Variants in TSPAN1 observed in about 807,000 individuals in gnomAD.
TSPAN1 encodes tetraspanin-1.
A neutral mutation model predicts 26.9 loss-of-function variants in TSPAN1; 23 were observed. The observed-to-expected ratio is 0.85, with a 90% CI of 0.62 to 1.21. The LOEUF is 1.21. Ranked by LOEUF, TSPAN1 falls within the 50% of genes most tolerant of loss-of-function variation. The pLI is 0.00. For missense variants in TSPAN1, 283 were observed against 298.4 expected (o/e 0.95, Z 0.38); for synonymous variants, 115 against 114.8 (o/e 1.00, Z -0.01).
chr1:46,190,913 A>C, downstream of TSPAN1: 1 of 856,702 alleles, frequency 1.2e-6, no homozygotes, highest in Admixed American at 1.9e-5. Context: ...CTAATTTCCC[A>C]CCGTCTTCTC....
intron 1 of TSPAN1, among the ~76,000 whole-genome samples, chr1:46,176,066 G>A (rs1267343199): frequency 2.6e-5 from 4 of 152,134 alleles, no homozygotes; most frequent in East Asian, 3.9e-4. Flanking sequence ...TAGTAGAGAT[G>A]GGATTTCACC....
At chr1:46,192,931 C>A in the TSPAN1 span, 1 of 1,614,186 alleles carries the variant, frequency 6.2e-7, no homozygotes, top group Non-Finnish European at 8.5e-7. Flanking sequence ...TCCAGGTCCT[C>A]TTCCAGAACC....
chr1:46,193,740 G>A, the TSPAN1 span: 1 of 1,598,860 alleles, frequency 6.3e-7, no homozygotes, highest in African/African-American at 1.3e-5. Flanking sequence ...TACCCACAGA[G>A]GTGAATGCGT....
At chr1:46,192,876 C>A in the TSPAN1 span, 1 of 1,614,094 alleles carries the variant, frequency 6.2e-7, no homozygotes, top group Non-Finnish European at 8.5e-7. Context: ...GGGACCTCAA[C>A]TGAAACCTAG....
At chr1:46,190,930 C>A, downstream of TSPAN1, 1 of 764,184 alleles carries the variant, frequency 1.3e-6, no homozygotes, top group East Asian at 2.8e-5. Context: ...TCTCCATCCT[C>A]TTTGCAGCAT....
the TSPAN1 span, chr1:46,194,362 C>T: frequency 1.2e-5 from 19 of 1,614,076 alleles, no homozygotes; most frequent in Middle Eastern, 1.6e-4. Flanking sequence ...GCGCCGGCGG[C>T]GACGGTTCAG....
chr1:46,176,967 C>A (rs932026032), intron 1 of TSPAN1, among the ~76,000 whole-genome samples: 13 of 152,154 alleles, frequency 8.5e-5, no homozygotes, highest in Admixed American at 3.3e-4. Flanking sequence ...GTTCCTGAAA[C>A]CCTCTGGTCA....
At chr1:46,191,823 A>G in the TSPAN1 span, 1 of 388,180 alleles carries the variant, frequency 2.6e-6, no homozygotes, top group Admixed American at 3.7e-5. Context: ...TTTAGTAGAG[A>G]TGGGGTTTCA....
chr1:46,190,453 C>T (rs760314576), downstream of TSPAN1: 21 of 1,571,392 alleles, frequency 1.3e-5, no homozygotes, highest in East Asian at 4.7e-4. Flanking sequence ...CTGCTACACC[C>T]CAATTGTCCT....
the TSPAN1 span, chr1:46,191,074 C>T: frequency 2.5e-6 from 1 of 398,656 alleles, no homozygotes. Flanking sequence ...CTCCCTGGGC[C>T]TGCTGTTCTA....
At chr1:46,195,787 C>T in the TSPAN1 span, 1 of 1,562,070 alleles carries the variant, frequency 6.4e-7, no homozygotes, top group East Asian at 2.3e-5. Context: ...GAGTAGGGGT[C>T]AGGGTCAGGA....
intron 8 of TSPAN1, 54 bp from the exon 9 acceptor site, chr1:46,185,432 G>A (rs1657408847): frequency 1.2e-6 from 2 of 1,612,174 alleles, no homozygotes; most frequent in Admixed American, 1.7e-5. Flanking sequence ...CTGTGGGACA[G>A]GCTTCAGGAT....
At chr1:46,185,382 T>C (rs2148148435) in intron 8 of TSPAN1, 74 bp downstream of exon 8, 1 of 1,608,290 alleles carries the variant, frequency 6.2e-7, no homozygotes, top group African/African-American at 1.3e-5. Context: ...GAGGCCTCTC[T>C]GGAGGAAACA....
chr1:46,187,661 T>C (rs908770948), downstream of TSPAN1, among the ~76,000 whole-genome samples: 2 of 152,242 alleles, frequency 1.3e-5, no homozygotes, highest in Non-Finnish European at 2.9e-5. Context: ...TCCTCTGCCG[T>C]GTGCCTGTGT....
downstream of TSPAN1, chr1:46,190,248 G>C: frequency 1.5e-6 from 1 of 685,248 alleles, no homozygotes; most frequent in Non-Finnish European, 2.5e-6. Flanking sequence ...GTTTCACCGT[G>C]TTAGCCAGGA....
chr1:46,179,405 C>T (rs1240096663), intron 1 of TSPAN1, among the ~76,000 whole-genome samples: 1 of 152,122 alleles, frequency 6.6e-6, no homozygotes, highest in Admixed American at 6.6e-5. Context: ...GTGCTCATTC[C>T]CTACTGTCCC....
intron 2 of TSPAN1, 96 bp from the exon 3 acceptor site, chr1:46,181,004 G>A: frequency 3.0e-6 from 3 of 1,016,874 alleles, no homozygotes; most frequent in African/African-American, 1.6e-5. Context: ...TCAGGATCCT[G>A]GGGTCTGGCA....
At chr1:46,195,316 T>C in the TSPAN1 span, among the ~76,000 whole-genome samples, 2 of 152,196 alleles carry the variant, frequency 1.3e-5, no homozygotes, top group Non-Finnish European at 2.9e-5. Flanking sequence ...TATAGGGGCT[T>C]TGCACTTGCC....
Position 46,184,373 on chromosome 1 carries a change from T to G in TSPAN1, c.240T>G (p.Thr80=), listed in dbSNP as rs35000902. 6,553 of 1,614,140 alleles carry G rather than the reference T, an allele frequency of 4.1e-3. 212 individuals carry two copies. In the African/African-American group the frequency reaches 0.07, roughly 17 times the overall value. Residue 80 remains threonine (T), a synonymous_variant, in exon 4 of 9, where the codon ACT becomes ACG. Transcript: ENST00000372003. The part of the protein sequence containing the change: ...LGFLGCYGAK[T]ESKCALVTFF... Reference sequence around the variant, plus strand: ...TCCTGGGCTGCTATGGTGCTAAGACTGAGAGCAAGTGTGCCCTCGTGACGG... The same window carrying G: ...TCCTGGGCTGCTATGGTGCTAAGACGGAGAGCAAGTGTGCCCTCGTGACGG...
Sources: allele counts gnomAD v4.1 joint callset (sites outside exome capture counted in the v4.1 genomes callset), GRCh38; gene constraint gnomAD v4.1.1; transcripts MANE v1.5; gene names NCBI Gene and HGNC (gene_info 2026-07-23, HGNC 2026-07-21).